HMGCL: variants seen among roughly 807,000 people sequenced by gnomAD.
HMGCL encodes the protein hydroxymethylglutaryl-CoA lyase, mitochondrial.
A neutral mutation model predicts 37.3 loss-of-function variants in HMGCL; 26 were observed. The ratio of observed to expected loss-of-function variants is 0.70; its 90% CI spans 0.51 to 0.97. HMGCL has a LOEUF of 0.97. HMGCL is among the 50% of genes least tolerant of loss of function. The pLI is 0.00. For synonymous variants in HMGCL, 151 were observed against 148.0 expected (o/e 1.02, Z -0.15); for missense variants, 379 against 398.1 (o/e 0.95, Z 0.41).
intron 5 of HMGCL, among the ~76,000 whole-genome samples, chr1:23,811,959 C>T (rs776515903): frequency 7.2e-5 from 11 of 152,214 alleles, no homozygotes; most frequent in Non-Finnish European, 1.5e-4. Flanking sequence ...CCAACCACTG[C>T]TGAGCAAGAA....
chr1:23,817,165 T>C (rs1638627590), intron 3 of HMGCL, among the ~76,000 whole-genome samples: 1 of 152,200 alleles, frequency 6.6e-6, no homozygotes, highest in African/African-American at 2.4e-5. Flanking sequence ...GTCTTCCTCT[T>C]TTACAAACAA....
At chr1:23,821,020 G>A (rs1324315459) in intron 1 of HMGCL, among the ~76,000 whole-genome samples, 1 of 152,206 alleles carries the variant, frequency 6.6e-6, no homozygotes, top group Non-Finnish European at 1.5e-5. Context: ...ATGGCCTATA[G>A]GACTCTGTAT....
intron 2 of HMGCL, among the ~76,000 whole-genome samples, chr1:23,819,320 A>C (rs558749498): frequency 6.6e-6 from 1 of 152,354 alleles, no homozygotes; most frequent in East Asian, 1.9e-4. Context: ...CACCACATGG[A>C]AAAGCTCAGG....
chr1:23,808,008 G>T, intron 7 of HMGCL, 127 bp downstream of exon 7: 1 of 831,904 alleles, frequency 1.2e-6, no homozygotes, highest in Non-Finnish European at 2.0e-6. Flanking sequence ...CACCATGACT[G>T]TGTCCACCAT....
intron 8 of HMGCL, 96 bp from the exon 9 acceptor site, chr1:23,802,660 T>A: frequency 1.2e-6 from 1 of 853,762 alleles, no homozygotes; most frequent in Non-Finnish European, 2.0e-6. Context: ...TACTGAAAAG[T>A]AAAGGTGAAG....
chr1:23,823,894 G>C (rs2148427606), intron 1 of HMGCL, among the ~76,000 whole-genome samples: 1 of 151,948 alleles, frequency 6.6e-6, no homozygotes, highest in South Asian at 2.1e-4. Context: ...GAAAAGAAAA[G>C]AAATCTGAGA....
chr1:23,810,619 G>C (rs1463508269), intron 6 of HMGCL, 117 bp downstream of exon 6: 1 of 827,746 alleles, frequency 1.2e-6, no homozygotes, highest in African/African-American at 1.7e-5. Context: ...GAAGGAGCTG[G>C]GTGAATGAAT....
At chr1:23,823,179 C>CA (rs60736552) in intron 1 of HMGCL, among the ~76,000 whole-genome samples, 1,937 of 36,134 alleles carry the variant, frequency 0.054, 58 homozygotes, top group Middle Eastern at 0.092. Flanking sequence ...TTCTTCATCT[C>CA]AAAAAAAAAA....
At chr1:23,808,344 T>C in intron 6 of HMGCL, 21 bp from the exon 7 acceptor site, 1 of 1,609,648 alleles carries the variant, frequency 6.2e-7, no homozygotes, top group Non-Finnish European at 8.5e-7. Context: ...AAGCAGGCAC[T>C]TGGAGGATAC....
intron 5 of HMGCL, among the ~76,000 whole-genome samples, chr1:23,813,614 G>A (rs775767521): frequency 6.6e-6 from 1 of 152,016 alleles, no homozygotes; most frequent in Non-Finnish European, 1.5e-5. Flanking sequence ...TAGAGTATTC[G>A]CCCTTCCTGG....
intron 4 of HMGCL, among the ~76,000 whole-genome samples, chr1:23,815,980 A>G (rs1457026330): frequency 6.7e-6 from 1 of 150,352 alleles, no homozygotes; most frequent in Non-Finnish European, 1.5e-5. Flanking sequence ...GTGCAGCGGT[A>G]TTATCATGGC....
intron 1 of HMGCL, 116 bp from the exon 2 acceptor site, chr1:23,820,709 T>C (rs112177776): frequency 1.6e-5 from 12 of 763,832 alleles, no homozygotes; most frequent in Middle Eastern, 2.3e-4. Context: ...AAGAAATATT[T>C]CTCACCATTT....
intron 1 of HMGCL, among the ~76,000 whole-genome samples, chr1:23,820,820 T>C (rs1171116157): frequency 6.6e-6 from 1 of 152,206 alleles, no homozygotes; most frequent in Non-Finnish European, 1.5e-5. Context: ...GGTTCTCCCC[T>C]GAAGTCCAGA....
intron 6 of HMGCL, among the ~76,000 whole-genome samples, chr1:23,809,059 C>T (rs1638467333): frequency 6.6e-6 from 1 of 150,580 alleles, no homozygotes; most frequent in Non-Finnish European, 1.5e-5. Context: ...GCACCTACCA[C>T]CACGCCCCAC....
At chr1:23,821,610 G>A (rs1048123955) in intron 1 of HMGCL, among the ~76,000 whole-genome samples, 4 of 152,050 alleles carry the variant, frequency 2.6e-5, no homozygotes, top group Admixed American at 6.6e-5. Context: ...AGTGAGCTAT[G>A]ACTGTGCCAC....
chr1:23,820,438 T>G (rs1322895282), intron 2 of HMGCL, 72 bp downstream of exon 2: 3 of 1,041,620 alleles, frequency 2.9e-6, no homozygotes, highest in Non-Finnish European at 4.6e-6. Flanking sequence ...CAACTGCCAT[T>G]GCACCTATCA....
rs925738491 is a variant in HMGCL, at chr1:23,806,073, T to G, written c.751-1548A>C. ...CTCAAGTGATTCTCATGCCTCAGCC[T>G]CGCAAATAGCTGGGATTACAGGCTC... is the stretch of plus-strand genomic sequence containing the variant. On this transcript the variant is annotated intron_variant, in intron 7 of 8. Transcript: ENST00000374490. The surrounding 1 kb of genome is among the most constrained non-coding windows in gnomAD (Gnocchi z 4.0). Among the ~76,000 whole-genome samples the G allele has an allele frequency of 6.6e-6, 1 of 152,078 alleles. No individual in the cohort carries two copies. The highest frequency in any genetic ancestry group is 1.5e-5 in the Non-Finnish European group (1 of 68,010).
At chr1:23,802,632 A>T in intron 8 of HMGCL, 68 bp from the exon 9 acceptor site, 1 of 1,003,718 alleles carries the variant, frequency 1.0e-6, no homozygotes, top group Non-Finnish European at 1.6e-6. Flanking sequence ...AAACATCAGC[A>T]TGGACAGACA....
intron 7 of HMGCL, chr1:23,807,435 CATCACT>C (rs1638433139): frequency 2.8e-6 from 1 of 353,570 alleles, no homozygotes; most frequent in African/African-American, 2.1e-5. Context: ...CTGGAACTGC[CATCACT>C]ATCCTAGAGA....
Sources: gnomAD v4.1 joint callset for allele counts (sites outside exome capture counted in the v4.1 genomes callset) on GRCh38, gnomAD v4.1.1 for gene constraint, Gnocchi (gnomAD v3.1) non-coding constraint, MANE v1.5 for transcripts, NCBI Gene and HGNC (gene_info 2026-07-23, HGNC 2026-07-21) for gene names.